Variants in PIEZO1 observed in about 807,000 individuals in gnomAD.
PIEZO1 encodes piezo-type mechanosensitive ion channel component 1.
A neutral mutation model predicts 297.2 loss-of-function variants in PIEZO1; 296 were observed. The ratio of observed to expected loss-of-function variants is 1.00; its 90% CI spans 0.91 to 1.10. The LOEUF (loss-of-function observed/expected upper bound fraction) is 1.10. PIEZO1 is among the 50% of genes least tolerant of loss of function. The probability of loss-of-function intolerance (pLI) is 0.00; values close to 1 mark genes in which losing one functional copy is unlikely to be tolerated. For synonymous variants in PIEZO1, 2,427 were observed against 1,507.5 expected (o/e 1.61, Z -14.13); for missense variants, 5,018 against 3,455.5 (o/e 1.45, Z -11.34).
intron 22 of PIEZO1, among the ~76,000 whole-genome samples, chr16:88,729,934 T>C (rs1904688810): frequency 6.6e-6 from 1 of 152,258 alleles, no homozygotes; most frequent in African/African-American, 2.4e-5. Context: ...TTACCCTCGA[T>C]GTTGGGGAAC....
In PIEZO1 at chr16:88,731,678, A is replaced by C. The variant is rs1442615049; in HGVS notation, c.3196+28T>G. 4.6e-6 allele frequency: 7 copies of C among 1,535,028 alleles called. No homozygotes were observed. The Admixed American group carries it at 1.2e-4, about 26-fold the overall frequency. ...GGGCATCCACAAAGCCACAAAGCCC[A>C]CTCCCACCCAAGCCACGTGCCCCTC... On this transcript the variant is annotated intron_variant, in intron 22 of 50. Coordinates refer to ENST00000301015, the MANE Select transcript of PIEZO1 (RefSeq NM_001142864.4).
chr16:88,747,689 G>A (rs1038308599), intron 2 of PIEZO1, among the ~76,000 whole-genome samples: 4 of 152,222 alleles, frequency 2.6e-5, no homozygotes, highest in Admixed American at 6.5e-5. Context: ...ATCTGTGAAC[G>A]CAGAAGCTCA....
chr16:88,726,506 GC>G (rs778646104), intron 26 of PIEZO1, 40 bp downstream of exon 26: 130 of 1,546,166 alleles, frequency 8.4e-5, no homozygotes, highest in Non-Finnish European at 3.7e-5. Flanking sequence ...GGAGCAGGGG[GC>G]TTCCCCACGC....
chr16:88,764,110 CAGGA>C (rs1341007251), intron 1 of PIEZO1, among the ~76,000 whole-genome samples: 1 of 152,064 alleles, frequency 6.6e-6, no homozygotes, highest in Non-Finnish European at 1.5e-5. Context: ...GACCCAGTGG[CAGGA>C]AGGATCTGGG....
chr16:88,721,373 C>G lies in PIEZO1; in HGVS notation c.5461G>C (p.Gly1821Arg). ...TCCTCGGCTCCCTGCTCCTCCTCGC[C>G]GCTCTTGTCATGCTCCTTGGATGGT... is the stretch of plus-strand genomic sequence containing the variant. ...DSPSKEHDKS[G>R]EEEQGAEEGP... Residue 1821 changes from glycine (G) to arginine (R), a missense_variant, in exon 39 of 51, where the codon GGC becomes CGC. By Grantham distance (125) the Gly-to-Arg change is moderately radical. Transcript: ENST00000301015. The G allele has an allele frequency of 6.5e-7, 1 of 1,549,740 alleles. No homozygotes were observed. The highest frequency in any genetic ancestry group is 1.2e-5 in the South Asian group (1 of 84,050).
At chr16:88,777,140 T>C (rs1329677527) in intron 1 of PIEZO1, among the ~76,000 whole-genome samples, 1 of 152,240 alleles carries the variant, frequency 6.6e-6, no homozygotes, top group Non-Finnish European at 1.5e-5. Context: ...ACCCAGCTAA[T>C]TTTTGTATTT....
chr16:88,776,571 G>T (rs933088827), intron 1 of PIEZO1, among the ~76,000 whole-genome samples: 6 of 152,216 alleles, frequency 3.9e-5, no homozygotes, highest in African/African-American at 1.2e-4. Flanking sequence ...TCTAGGAGGG[G>T]AGGAAGGGGA....
At position 88,742,111 on chromosome 16, in the gene PIEZO1, G is replaced by T. The variant is rs1353308859; in HGVS notation, c.284-16C>A. 2 of 1,535,656 alleles carry T rather than the reference G, an allele frequency of 1.3e-6. No individual in the cohort carries two copies. Among genetic ancestry groups the T allele is most frequent in the Non-Finnish European group, 1.7e-6 (2 of 1,146,710 alleles). ...CAGCGGCTGCCTGCAGAGAAAGACG[G>T]GGGAACCCAGGTCAGGCTCTGCCCA... is the stretch of plus-strand genomic sequence containing the variant. On this transcript the variant is annotated splice_polypyrimidine_tract_variant and intron_variant, in intron 3 of 50. Transcript: ENST00000301015.
Position 88,719,867 on chromosome 16 carries a change from G to C in PIEZO1, c.6258C>G (p.Pro2086=), listed in dbSNP as rs548784762. Residue 2086 remains proline, a synonymous_variant, in exon 43 of 51, where the codon CCC becomes CCG. Transcript: ENST00000301015. The part of the protein sequence containing the change: ...LSAYQIRCGY[P]TRILGNFLTK... The stretch of plus-strand genomic sequence containing the variant: ...TGAGGAAGTTGCCGAGGATGCGGGT[G>C]GGGTAGCCGCAGCGGATCTGGTAGG... 4.1e-5 allele frequency: 63 copies of C among 1,550,560 alleles called. 1 individual carries two copies. In the African/African-American group the frequency reaches 7.5e-4, roughly 18 times the overall value.
Position 88,725,018 on chromosome 16 carries a change from G to A in PIEZO1, c.4225C>T (p.His1409Tyr). 1.3e-6 allele frequency: 2 copies of A among 1,488,230 alleles called. No homozygotes were observed. The highest frequency in any genetic ancestry group is 2.8e-5 in the East Asian group (1 of 36,280). 92.2% of individuals were successfully genotyped at this position (1,488,230 alleles called of 1,614,324 possible). The change falls in exon 30 of 51, where the codon CAC (histidine) becomes TAC (tyrosine). Residue 1409 changes from histidine (H) to tyrosine (Y), a missense_variant. His to Tyr is a moderately conservative substitution (Grantham distance 83, BLOSUM62 2). Coordinates refer to ENST00000301015, the MANE Select transcript of PIEZO1 (RefSeq NM_001142864.4). ...RRQWWRPWLD[H>Y]ATVIHSGDYF... Reference sequence around the variant, plus strand: ...GCCTAATTGGGGGTACCTGTGGCGTGGTCCAGCCAGGGCCGCCACCACTGC... The same window carrying A: ...GCCTAATTGGGGGTACCTGTGGCGTAGTCCAGCCAGGGCCGCCACCACTGC...
At chr16:88,770,975 G>A (rs939144519) in intron 1 of PIEZO1, among the ~76,000 whole-genome samples, 5 of 152,210 alleles carry the variant, frequency 3.3e-5, no homozygotes, top group Admixed American at 2.6e-4. Context: ...GGATTAAGAG[G>A]CTCTGGGCCC....
At chr16:88,765,623 G>C (rs1428539995) in intron 1 of PIEZO1, among the ~76,000 whole-genome samples, 1 of 152,082 alleles carries the variant, frequency 6.6e-6, no homozygotes. Context: ...GCAGCGCCTG[G>C]AGCCTGGCTC....
At position 88,715,522 on chromosome 16, in the gene PIEZO1, C is replaced by A; in HGVS notation, c.*83G>T. 4 of 1,373,170 alleles carry A rather than the reference C, an allele frequency of 2.9e-6. No homozygotes were observed. The highest frequency in any genetic ancestry group is 2.0e-5 in the Admixed American group (1 of 49,224). 85.1% of individuals were successfully genotyped at this position (1,373,170 alleles called of 1,614,324 possible). The stretch of plus-strand genomic sequence containing the variant: ...GGCGGCCTTGGACGGGGCAGTGGCT[C>A]CCCCGGCCTGAGGAGTGCCGCCCCT... On this transcript the variant is annotated 3_prime_UTR_variant, in exon 51 of 51. Coordinates refer to ENST00000301015, the MANE Select transcript of PIEZO1 (RefSeq NM_001142864.4).
In PIEZO1 at chr16:88,722,059, G is replaced by A. The variant is rs751223342; in HGVS notation, c.4963C>T (p.Arg1655Cys). The A allele has an allele frequency of 5.4e-5, 84 of 1,545,044 alleles. No individual in the cohort carries two copies. Among genetic ancestry groups the A allele is most frequent in the Admixed American group, 1.4e-4 (7 of 50,922 alleles). The change falls in exon 37 of 51, where the codon CGC becomes TGC. Residue 1655 changes from arginine to cysteine, a missense_variant. By Grantham distance (180) the Arg-to-Cys change is radical (BLOSUM62 -3). Coordinates refer to ENST00000301015, the MANE Select transcript of PIEZO1 (RefSeq NM_001142864.4). The stretch of plus-strand genomic sequence containing the variant: ...TCTGCCTCCTCCAGCTCTGGGATGC[G>A]CAGGCGCCTACAGGGAGACCCGCGT... ...ASELLLDRRLRIPELEEAELF... is the reference protein window; with the variant it reads ...ASELLLDRRLCIPELEEAELF...
At chr16:88,773,808 G>T (rs1314842390) in intron 1 of PIEZO1, among the ~76,000 whole-genome samples, 1 of 152,056 alleles carries the variant, frequency 6.6e-6, no homozygotes, top group Non-Finnish European at 1.5e-5. Context: ...GTGTCCTCCT[G>T]GGTGGTCTTA....
chr16:88,734,645 C>G lies in PIEZO1; in HGVS notation c.1997+5G>C. 6.5e-7 allele frequency: 1 copy of G among 1,550,202 alleles called. No individual in the cohort carries two copies. Among genetic ancestry groups the G allele is most frequent in the Non-Finnish European group, 8.7e-7 (1 of 1,146,890 alleles). On this transcript the variant is annotated splice_donor_5th_base_variant and intron_variant, in intron 15 of 50. Transcript: ENST00000301015. ...CCCTGCCCCACCGCCCCAGCCTGGACTCACTGCTCGTCGGTGAAGCCAGTG... is the reference window on the plus strand; with the variant it reads ...CCCTGCCCCACCGCCCCAGCCTGGAGTCACTGCTCGTCGGTGAAGCCAGTG...
In PIEZO1 at chr16:88,726,448, C is replaced by A. The variant is rs986487951; in HGVS notation, c.3804G>T (p.Glu1268Asp). 6.5e-7 allele frequency: 1 copy of A among 1,549,640 alleles called. No homozygotes were observed. Among genetic ancestry groups the A allele is most frequent in the East Asian group, 2.4e-5 (1 of 40,906 alleles). The change falls in exon 27 of 51, where the codon GAG becomes GAT. Residue 1268 changes from glutamate to aspartate, a missense_variant. Glu to Asp is a conservative substitution (Grantham distance 45). Transcript: ENST00000301015. ...CTVKGYYDPK[E>D]MMDRDQDCLL... is the part of the protein sequence containing the mutation. The stretch of plus-strand genomic sequence containing the variant: ...GGCAGTCCTGGTCTCTGTCCATCAT[C>A]TCCTTGGCTGCAAGGCAGGCACCGG...
intron 22 of PIEZO1, chr16:88,727,969 T>C (rs1426617120): frequency 4.4e-6 from 1 of 226,138 alleles, no homozygotes; most frequent in Non-Finnish European, 8.6e-6. Flanking sequence ...GGACAGTGCG[T>C]GTGATAGGAC....
At chr16:88,724,817 C>T (rs551062138) in intron 30 of PIEZO1, among the ~76,000 whole-genome samples, 192 bp downstream of exon 30, 4 of 152,092 alleles carry the variant, frequency 2.6e-5, no homozygotes, top group East Asian at 1.9e-4. Context: ...GGGGCATAGC[C>T]AGGAGAGGAC....
Sources: allele counts gnomAD v4.1 joint callset (sites outside exome capture counted in the v4.1 genomes callset), GRCh38; gene constraint gnomAD v4.1.1; transcripts MANE v1.5; gene names NCBI Gene and HGNC (gene_info 2026-07-23, HGNC 2026-07-21).